DYNC2H1: variants seen among roughly 807,000 people sequenced by gnomAD.
DYNC2H1 encodes dynein cytoplasmic 2 heavy chain 1.
In DYNC2H1, 410 loss-of-function variants were observed where a neutral mutation model predicts 570.0. The ratio of observed to expected loss-of-function variants is 0.72; its 90% CI spans 0.66 to 0.78. The LOEUF (loss-of-function observed/expected upper bound fraction) is 0.78, where lower values mean the gene tolerates loss of function less well. Ranked by LOEUF, DYNC2H1 falls within the 30% of genes least tolerant of loss-of-function variation. DYNC2H1 has a pLI of 0.00. For missense variants in DYNC2H1, 4,865 were observed against 5,046.4 expected (o/e 0.96, Z 1.09); for synonymous variants, 1,688 against 1,677.6 (o/e 1.01, Z -0.15).
In DYNC2H1 at chr11:103,324,774, C is replaced by T. The variant is rs907834282; in HGVS notation, c.12039+784C>T. 6.6e-6 allele frequency among the ~76,000 whole-genome samples: 1 copy of T among 152,116 alleles called. No homozygotes were observed. The highest frequency in any genetic ancestry group is 2.4e-5 in the African/African-American group (1 of 41,410). On this transcript the variant is annotated intron_variant, in intron 82 of 88. Coordinates refer to ENST00000375735, the MANE Select transcript of DYNC2H1 (RefSeq NM_001377.3). This position sits in a 1 kb window ranked among gnomAD's most constrained non-coding sequence, Gnocchi z 5.2. Reference sequence around the variant, plus strand: ...AATGGTAGTTCTGTTTTAAGTTCTTCGAGAAATCGCCAAACTATTTTCCAC... The same window carrying T: ...AATGGTAGTTCTGTTTTAAGTTCTTTGAGAAATCGCCAAACTATTTTCCAC...
intron 82 of DYNC2H1, among the ~76,000 whole-genome samples, chr11:103,357,384 A>G (rs1940400911): frequency 6.6e-6 from 1 of 152,200 alleles, no homozygotes. Context: ...AGAGCCTTGT[A>G]TGTAGAGGAA....
intron 83 of DYNC2H1, among the ~76,000 whole-genome samples, chr11:103,362,922 T>A (rs1940727375): frequency 6.6e-6 from 1 of 151,964 alleles, no homozygotes; most frequent in Non-Finnish European, 1.5e-5. Context: ...TCCCAGCTAC[T>A]TGGGAGGCTG....
chr11:103,323,968 C>T lies in DYNC2H1; in HGVS notation c.12017C>T (p.Ser4006Phe). 6.2e-7 allele frequency: 1 copy of T among 1,612,038 alleles called. No homozygotes were observed. Among genetic ancestry groups the T allele is most frequent in the Admixed American group, 1.7e-5 (1 of 59,854 alleles). The part of the protein sequence containing the change: ...FGLPANIARS[S>F]QRMISSQVIS... ...CTGCCTGCCAATATCGCTCGCTCATCTCAGCGCATGATCAGTTCTCAGGTA... is the reference window on the plus strand; with the variant it reads ...CTGCCTGCCAATATCGCTCGCTCATTTCAGCGCATGATCAGTTCTCAGGTA... Residue 4006 changes from serine to phenylalanine, a missense_variant, in exon 82 of 89, where the codon TCT becomes TTT. By Grantham distance (155) the Ser-to-Phe change is radical (BLOSUM62 -2). Coordinates refer to ENST00000375735, the MANE Select transcript of DYNC2H1 (RefSeq NM_001377.3).
chr11:103,230,126 C>T (rs1417873726), intron 59 of DYNC2H1, among the ~76,000 whole-genome samples: 1 of 152,294 alleles, frequency 6.6e-6, no homozygotes, highest in East Asian at 1.9e-4. Flanking sequence ...CCCTGCTGTA[C>T]TCTCCTCTAG....
chr11:103,128,460 T>G (rs1436326224), intron 12 of DYNC2H1, among the ~76,000 whole-genome samples: 3 of 152,188 alleles, frequency 2.0e-5, no homozygotes, highest in Admixed American at 6.5e-5. Flanking sequence ...GGCAATAGAC[T>G]TTTGCTGATG....
At chr11:103,447,206 T>C (rs997840395) in intron 85 of DYNC2H1, among the ~76,000 whole-genome samples, 1 of 152,036 alleles carries the variant, frequency 6.6e-6, no homozygotes, top group African/African-American at 2.4e-5. Flanking sequence ...GAAACCCAGG[T>C]TTATAAGTTT....
chr11:103,270,592 C>T (rs1178083079), intron 70 of DYNC2H1, among the ~76,000 whole-genome samples: 1 of 151,920 alleles, frequency 6.6e-6, no homozygotes, highest in African/African-American at 2.4e-5. Context: ...CTCTCTCTCT[C>T]TCTCTCTCTC....
At chr11:103,386,963 G>T (rs543356065) in intron 83 of DYNC2H1, among the ~76,000 whole-genome samples, 1 of 151,596 alleles carries the variant, frequency 6.6e-6, no homozygotes, top group Non-Finnish European at 1.5e-5. Context: ...ATAAACATAC[G>T]TGTGCATGTG....
chr11:103,341,244 C>A (rs555584407), intron 82 of DYNC2H1, among the ~76,000 whole-genome samples: 10 of 152,296 alleles, frequency 6.6e-5, no homozygotes, highest in African/African-American at 1.2e-4. Flanking sequence ...AATTCTCTTG[C>A]TTTCTATTTC....
intron 77 of DYNC2H1, 44 bp downstream of exon 77, chr11:103,304,764 T>C: frequency 1.9e-6 from 3 of 1,572,878 alleles, no homozygotes; most frequent in Non-Finnish European, 2.6e-6. Context: ...TATACTCAAC[T>C]TAGCAATCTC....
At chr11:103,342,029 T>C (rs938492360) in intron 82 of DYNC2H1, among the ~76,000 whole-genome samples, 3 of 152,158 alleles carry the variant, frequency 2.0e-5, no homozygotes, top group African/African-American at 7.2e-5. Context: ...TAGTCTCAGA[T>C]GCTTGGGAGG....
intron 85 of DYNC2H1, among the ~76,000 whole-genome samples, chr11:103,454,257 G>C (rs313877): frequency 0.28 from 43,263 of 151,886 alleles, 7,145 homozygotes; most frequent in African/African-American, 0.45. Context: ...CATGCAAAAT[G>C]AATTACTGAG....
At chr11:103,279,197 GA>G in intron 70 of DYNC2H1, among the ~76,000 whole-genome samples, 1 of 152,160 alleles carries the variant, frequency 6.6e-6, no homozygotes, top group South Asian at 2.1e-4. Context: ...TGTTTTACCA[GA>G]AAGATGTTTT....
chr11:103,279,616 G>T (rs1474226161), intron 70 of DYNC2H1, among the ~76,000 whole-genome samples: 3 of 151,932 alleles, frequency 2.0e-5, no homozygotes, highest in African/African-American at 7.3e-5. Context: ...GTAGTTTTCT[G>T]ATAAAGTAGA....
chr11:103,292,823 T>G (rs1437707806), intron 75 of DYNC2H1, among the ~76,000 whole-genome samples: 1 of 152,256 alleles, frequency 6.6e-6, no homozygotes, highest in Non-Finnish European at 1.5e-5. Flanking sequence ...GTAACAGCTC[T>G]CTTGAGGCCC....
At chr11:103,403,233 A>G (rs565844864) in intron 84 of DYNC2H1, 1 of 152,204 alleles carries the variant, frequency 6.6e-6, no homozygotes, top group African/African-American at 2.4e-5. Flanking sequence ...TGTTGGGGTA[A>G]TAAAAGAGGT....
In DYNC2H1 at chr11:103,186,744, C is replaced by T. The variant is rs186352131; in HGVS notation, c.6893+243C>T. ...TGAGAAGATACTCTTAAAAATTATC[C>T]GTCCATATAATACAGCAAAAAAAAA... On this transcript the variant is annotated intron_variant, in intron 42 of 88. Transcript: ENST00000375735. The surrounding 1 kb of genome is among the most constrained non-coding windows in gnomAD (Gnocchi z 4.5). Among the ~76,000 whole-genome samples the T allele has an allele frequency of 3.4e-5, 5 of 145,132 alleles. No individual in the cohort carries two copies. The highest frequency in any genetic ancestry group is 5.2e-5 in the African/African-American group (2 of 38,782).
At chr11:103,155,590 C>G in intron 25 of DYNC2H1, 89 bp downstream of exon 25, 1 of 1,327,018 alleles carries the variant, frequency 7.5e-7, no homozygotes, top group Non-Finnish European at 1.0e-6. Flanking sequence ...CAAAAAAAGT[C>G]TTCCTTTAAG....
At chr11:103,332,505 T>G (rs1300268457) in intron 82 of DYNC2H1, among the ~76,000 whole-genome samples, 1 of 149,076 alleles carries the variant, frequency 6.7e-6, no homozygotes, top group African/African-American at 2.6e-5. Flanking sequence ...TGAAAAAGAC[T>G]GAAATACTGA....
Sources: allele counts gnomAD v4.1 joint callset (sites outside exome capture counted in the v4.1 genomes callset), GRCh38; gene constraint gnomAD v4.1.1; non-coding constraint Gnocchi (gnomAD v3.1); transcripts MANE v1.5; gene names NCBI Gene and HGNC (gene_info 2026-07-23, HGNC 2026-07-21).